The following GARNL3 variants were observed in gnomAD, a reference collection of about 807,000 sequenced individuals.
GARNL3 encodes GTPase activating Rap/RanGAP domain like 3.
Under a neutral mutation model 125.0 loss-of-function variants are expected in GARNL3, and 63 were observed. The observed-to-expected ratio is 0.50, with a 90% CI of 0.41 to 0.62. The LOEUF (loss-of-function observed/expected upper bound fraction) is 0.62. Among genes scored for constraint, GARNL3 ranks in the 20% least tolerant of loss-of-function variants. The pLI is 0.00. For synonymous variants in GARNL3, 439 were observed against 457.5 expected, an observed-to-expected ratio of 0.96 and a Z score of 0.52; for missense variants, 994 against 1,244.0, an observed-to-expected ratio of 0.80 and a Z score of 3.02.
intron 2 of GARNL3, among the ~76,000 whole-genome samples, chr9:127,301,428 A>T (rs763222557): frequency 2.6e-5 from 4 of 152,182 alleles, no homozygotes; most frequent in African/African-American, 4.8e-5. Context: ...CTATGATATA[A>T]TGGAGACTAT....
At chr9:127,388,714 T>C (rs1478250613) in intron 25 of GARNL3, 190 bp from the exon 26 acceptor site, 1 of 593,976 alleles carries the variant, frequency 1.7e-6, no homozygotes, top group Admixed American at 3.0e-5. Context: ...GAAAATGCTC[T>C]TAGAAAACGC....
At chr9:127,299,321 AAAAAAAAAG>A (rs61081780) in intron 2 of GARNL3, among the ~76,000 whole-genome samples, 98,729 of 132,058 alleles carry the variant, frequency 0.75, 36,721 homozygotes, top group African/African-American at 0.84. Flanking sequence ...AAAAAAAAAA[AAAAAAAAAG>A]AAAGAGAAAA....
chr9:127,339,158 G>A (rs1174410578), intron 12 of GARNL3, among the ~76,000 whole-genome samples: 1 of 152,082 alleles, frequency 6.6e-6, no homozygotes, highest in Non-Finnish European at 1.5e-5. Flanking sequence ...TTAGCCGGGC[G>A]TGGTGGCAGG....
chr9:127,353,287 T>C (rs1449605804), intron 17 of GARNL3, among the ~76,000 whole-genome samples: 1 of 152,170 alleles, frequency 6.6e-6, no homozygotes, highest in Non-Finnish European at 1.5e-5. Context: ...TGGGAAAAAA[T>C]ACTGAAAATG....
intron 1 of GARNL3, among the ~76,000 whole-genome samples, chr9:127,287,961 A>G (rs1302930686): frequency 3.3e-5 from 5 of 152,208 alleles, no homozygotes; most frequent in Non-Finnish European, 7.3e-5. Flanking sequence ...CATTTGCAAT[A>G]GAAATTTGGC....
intron 2 of GARNL3, among the ~76,000 whole-genome samples, chr9:127,310,565 A>G (rs2065066053): frequency 6.6e-6 from 1 of 152,112 alleles, no homozygotes; most frequent in Non-Finnish European, 1.5e-5. Flanking sequence ...ACTTGAGGCC[A>G]GGAGTTCGAG....
chr9:127,344,170 T>G, intron 14 of GARNL3, 65 bp from the exon 15 acceptor site: 51 of 1,132,246 alleles, frequency 4.5e-5, no homozygotes, highest in Non-Finnish European at 6.3e-5. Flanking sequence ...TTGTGCACTA[T>G]GAGAAGCCAA....
At chr9:127,376,453 A>T (rs554679564) in intron 22 of GARNL3, among the ~76,000 whole-genome samples, 17 of 151,570 alleles carry the variant, frequency 1.1e-4, no homozygotes, top group East Asian at 1.9e-4. Context: ...CTCCTGACCT[A>T]GTGATCCGCC....
At chr9:127,262,844 A>C (rs1347485661), upstream of GARNL3, among the ~76,000 whole-genome samples, 1 of 152,158 alleles carries the variant, frequency 6.6e-6, no homozygotes, top group East Asian at 1.9e-4. Flanking sequence ...GAGGAGAACA[A>C]AGCTCCCCTT....
chr9:127,310,789 A>G (rs1401500027), intron 2 of GARNL3, among the ~76,000 whole-genome samples: 2 of 151,968 alleles, frequency 1.3e-5, no homozygotes, highest in East Asian at 3.9e-4. Context: ...AAAAAAAAAA[A>G]AAAATACATT....
intron 6 of GARNL3, among the ~76,000 whole-genome samples, chr9:127,323,591 G>A (rs888248663): frequency 2.6e-5 from 4 of 152,192 alleles, no homozygotes; most frequent in Admixed American, 2.6e-4. Flanking sequence ...GAAGCTGAGA[G>A]GTGCGATCCT....
chr9:127,263,309 G>A (rs116178929), upstream of GARNL3, among the ~76,000 whole-genome samples: 1,189 of 152,180 alleles, frequency 7.8e-3, 15 homozygotes, highest in African/African-American at 0.027. Flanking sequence ...TGCTTTTTTC[G>A]TATTATTGGC....
At chr9:127,359,384 G>A (rs1361774762) in intron 21 of GARNL3, among the ~76,000 whole-genome samples, 1 of 152,194 alleles carries the variant, frequency 6.6e-6, no homozygotes, top group East Asian at 1.9e-4. Context: ...CAGCTACTCA[G>A]GAAGCTGAGG....
chr9:127,382,670 G>A (rs1167938028), intron 22 of GARNL3, among the ~76,000 whole-genome samples: 3 of 151,970 alleles, frequency 2.0e-5, no homozygotes, highest in Admixed American at 6.6e-5. Context: ...GTAATAAATG[G>A]GGCCTTTGTT....
chr9:127,302,310 T>C (rs1445020979), intron 2 of GARNL3, among the ~76,000 whole-genome samples: 1 of 152,118 alleles, frequency 6.6e-6, no homozygotes, highest in Non-Finnish European at 1.5e-5. Context: ...CAATTAGCAA[T>C]AATTAAAAAT....
chr9:127,376,344 G>A (rs150854278), intron 22 of GARNL3, among the ~76,000 whole-genome samples: 3,208 of 151,752 alleles, frequency 0.021, 113 homozygotes, highest in African/African-American at 0.072. Context: ...TCAGCTTCCC[G>A]AGTAGCTGGG....
chr9:127,255,729 A>G (rs1304798395), intron 2 of GARNL3, among the ~76,000 whole-genome samples: 6 of 152,240 alleles, frequency 3.9e-5, no homozygotes. Context: ...TTCAATGTGC[A>G]TATGAATCCC....
intron 1 of GARNL3, among the ~76,000 whole-genome samples, chr9:127,227,086 C>T (rs1206322146): frequency 6.6e-6 from 1 of 152,160 alleles, no homozygotes; most frequent in East Asian, 1.9e-4. Flanking sequence ...ATTAATTTAA[C>T]CGCCTAGGAC....
upstream of GARNL3, chr9:127,263,757 A>G: frequency 8.2e-7 from 1 of 1,213,994 alleles, no homozygotes; most frequent in Non-Finnish European, 1.0e-6. Flanking sequence ...AGGGAGGACT[A>G]CAAAAGGTTA....
Sources: allele counts gnomAD v4.1 joint callset (sites outside exome capture counted in the v4.1 genomes callset), GRCh38; gene constraint gnomAD v4.1.1; transcripts MANE v1.5; gene names NCBI Gene and HGNC (gene_info 2026-07-23, HGNC 2026-07-21).